The following OTULINL variants were observed in gnomAD, a reference collection of about 807,000 sequenced individuals.
OTULINL encodes the protein inactive ubiquitin thioesterase OTULINL.
Under a neutral mutation model 43.9 loss-of-function variants are expected in OTULINL, and 42 were observed. The ratio of observed to expected loss-of-function variants is 0.96; its 90% CI spans 0.75 to 1.24. The LOEUF (loss-of-function observed/expected upper bound fraction) is 1.24. Ranked by LOEUF, OTULINL falls within the 50% of genes most tolerant of loss-of-function variation. The pLI, the probability that OTULINL is intolerant of heterozygous loss-of-function variation, is 0.00. For synonymous variants in OTULINL, 172 were observed against 153.6 expected (o/e 1.12, Z -0.88); for missense variants, 411 against 426.4 (o/e 0.96, Z 0.32).
Position 14,610,987 on chromosome 5 carries a change from T to A in OTULINL, c.*673T>A, listed in dbSNP as rs999181523. On this transcript the variant is annotated 3_prime_UTR_variant, in exon 8 of 8. Coordinates refer to ENST00000274217, the MANE Select transcript of OTULINL (RefSeq NM_019018.3). ...CTTTACTTTTTTTGTTACTATTTTA[T>A]CTGGCCAGCTTAATAGTTTTATTTA... 30 of 152,196 alleles carry A rather than the reference T, an allele frequency of 2.0e-4. No individual in the cohort carries two copies. Among genetic ancestry groups the A allele is most frequent in the African/African-American group, 7.2e-4 (30 of 41,450 alleles). The allele number at this position is 152,196 out of a possible 1,614,324, so 9.4% of individuals were successfully genotyped here.
Position 14,610,205 on chromosome 5 carries a change from T to C in OTULINL, c.962T>C (p.Phe321Ser). Reference sequence around the variant, plus strand: ...ATAAAAGTGTTCAGACTGTTCAAGTTTAACTCCAGAGACTTTGAAGTCTGC... The same window carrying C: ...ATAAAAGTGTTCAGACTGTTCAAGTCTAACTCCAGAGACTTTGAAGTCTGC... ...VKIKVFRLFKFNSRDFEVCYP... is the reference protein window; with the variant it reads ...VKIKVFRLFKSNSRDFEVCYP... Residue 321 changes from phenylalanine to serine, a missense_variant, in exon 8 of 8, where the codon TTT (phenylalanine) becomes TCT (serine). Physicochemically the swap from Phe to Ser is radical, Grantham distance 155. Coordinates refer to ENST00000274217, the MANE Select transcript of OTULINL (RefSeq NM_019018.3). 6.2e-7 allele frequency: 1 copy of C among 1,614,154 alleles called. No homozygotes were observed. Among genetic ancestry groups the C allele is most frequent in the South Asian group, 1.1e-5 (1 of 91,088 alleles).
At position 14,581,874 on chromosome 5, in the gene OTULINL, C is replaced by T; in HGVS notation, c.-21C>T. On this transcript the variant is annotated 5_prime_UTR_variant, in exon 1 of 8. Coordinates refer to ENST00000274217, the MANE Select transcript of OTULINL (RefSeq NM_019018.3). ...GCAGACCACGGGCCGAGGCCCAGCG[C>T]CCGTCCGCAGCGCGGCCGGCATGGC... is the stretch of plus-strand genomic sequence containing the variant. 6 of 1,406,248 alleles carry T rather than the reference C, an allele frequency of 4.3e-6. No individual in the cohort carries two copies. Among genetic ancestry groups the T allele is most frequent in the Non-Finnish European group, 5.6e-6 (6 of 1,080,276 alleles). The allele number at this position is 1,406,248 out of a possible 1,614,324, so 87.1% of individuals were successfully genotyped here. A position where few individuals can be genotyped will look rare whatever the true frequency, so the allele number is the denominator to read the frequency against.
Position 14,601,211 on chromosome 5 carries a change from A to G in OTULINL, c.225-2A>G. 6.2e-7 allele frequency: 1 copy of G among 1,611,742 alleles called. No individual in the cohort carries two copies. Among genetic ancestry groups the G allele is most frequent in the Non-Finnish European group, 8.5e-7 (1 of 1,179,214 alleles). ...ATATTATTGTTCCCTTTTATCTTTC[A>G]GGTGGATTGGATATCTGCAGAGAAA... On this transcript the variant is annotated splice_acceptor_variant, in intron 2 of 7. Transcript: ENST00000274217. LOFTEE classifies it high-confidence loss of function.
At chr5:14,607,604 C>T (rs547439335) in intron 6 of OTULINL, 146 bp downstream of exon 6, 142 of 976,880 alleles carry the variant, frequency 1.5e-4, no homozygotes, top group Non-Finnish European at 2.0e-4. Context: ...TGATGATTTC[C>T]CTCCTTATTC....
intron 7 of OTULINL, 138 bp from the exon 8 acceptor site, chr5:14,610,003 C>T: frequency 1.6e-6 from 1 of 638,740 alleles, no homozygotes. Context: ...GAACTCTGTG[C>T]CCACTCAGTG....
At chr5:14,608,690 G>T in intron 6 of OTULINL, 58 bp from the exon 7 acceptor site, 1 of 1,300,844 alleles carries the variant, frequency 7.7e-7, no homozygotes, top group South Asian at 1.5e-5. Flanking sequence ...AAAAGTTATG[G>T]AATGGTATAT....
At chr5:14,606,623 G>T (rs920923639) in intron 5 of OTULINL, among the ~76,000 whole-genome samples, 3 of 152,180 alleles carry the variant, frequency 2.0e-5, no homozygotes, top group African/African-American at 7.2e-5. Context: ...ATCCATGCCG[G>T]TTAAGTAATC....
intron 5 of OTULINL, among the ~76,000 whole-genome samples, chr5:14,606,625 T>G (rs546305247): frequency 6.6e-6 from 1 of 152,332 alleles, no homozygotes; most frequent in Non-Finnish European, 1.5e-5. Context: ...CCATGCCGGT[T>G]AAGTAATCTC....
At chr5:14,603,535 A>G (rs1180647823) in intron 5 of OTULINL, among the ~76,000 whole-genome samples, 1 of 152,218 alleles carries the variant, frequency 6.6e-6, no homozygotes, top group Non-Finnish European at 1.5e-5. Flanking sequence ...ATAGTTGTGA[A>G]TTGGTATCAT....
At chr5:14,602,096 G>A in intron 4 of OTULINL, 87 bp from the exon 5 acceptor site, 3 of 1,060,536 alleles carry the variant, frequency 2.8e-6, no homozygotes, top group East Asian at 2.8e-5. Flanking sequence ...TTAGTTGGGA[G>A]GAACACCTCA....
rs140756706 is a variant in OTULINL, at chr5:14,610,278, C to A, written c.1035C>A (p.Thr345=). The A allele has an allele frequency of 1.2e-6, 2 of 1,612,510 alleles. No individual in the cohort carries two copies. The highest frequency in any genetic ancestry group is 1.7e-6 in the Non-Finnish European group (2 of 1,179,402). Reference sequence around the variant, plus strand: ...ACTGGCCGGAGATCTCCCTGCTGACCGAGAACGACCGCCACTACCACATTC... The same window carrying A: ...ACTGGCCGGAGATCTCCCTGCTGACAGAGAACGACCGCCACTACCACATTC... ...LRDWPEISLL[T]ENDRHYHIPV... The change falls in exon 8 of 8, where the codon ACC becomes ACA. Residue 345 remains threonine, a synonymous_variant. Coordinates refer to ENST00000274217, the MANE Select transcript of OTULINL (RefSeq NM_019018.3).
Position 14,602,334 on chromosome 5 carries a change from T to G in OTULINL, c.498+2T>G. On this transcript the variant is annotated splice_donor_variant, in intron 5 of 7. Coordinates refer to ENST00000274217, the MANE Select transcript of OTULINL (RefSeq NM_019018.3). LOFTEE classifies it high-confidence loss of function. ...ATGAAAGAAAAGGACATTGTTAAGG[T>G]ATGTCTTCCCCCTGGAAATGTGGGA... 1 of 1,611,720 alleles carries G rather than the reference T, an allele frequency of 6.2e-7. No homozygotes were observed. The highest frequency in any genetic ancestry group is 8.5e-7 in the Non-Finnish European group (1 of 1,179,170).
chr5:14,594,539 G>A (rs968402431), intron 1 of OTULINL, among the ~76,000 whole-genome samples: 2 of 152,124 alleles, frequency 1.3e-5, no homozygotes, highest in Admixed American at 6.5e-5. Context: ...CCCAGGCCAG[G>A]GGGTCCCTGT....
chr5:14,582,632 A>G (rs941747936), intron 1 of OTULINL, among the ~76,000 whole-genome samples: 4 of 151,930 alleles, frequency 2.6e-5, no homozygotes, highest in African/African-American at 9.7e-5. Flanking sequence ...TGGCCAGCAT[A>G]GTGAAACCTT....
At chr5:14,594,494 G>A (rs1759254747) in intron 1 of OTULINL, among the ~76,000 whole-genome samples, 1 of 152,204 alleles carries the variant, frequency 6.6e-6, no homozygotes, top group South Asian at 2.1e-4. Flanking sequence ...GAATGGAGGT[G>A]CTCACCCAAC....
intron 1 of OTULINL, among the ~76,000 whole-genome samples, chr5:14,595,826 C>T (rs1009158755): frequency 4.6e-5 from 7 of 151,548 alleles, no homozygotes; most frequent in African/African-American, 1.2e-4. Context: ...TTGTGTGGGT[C>T]GGGGTCCCAA....
intron 1 of OTULINL, among the ~76,000 whole-genome samples, chr5:14,587,546 A>G (rs754771238): frequency 5.9e-5 from 9 of 152,356 alleles, no homozygotes; most frequent in Non-Finnish European, 8.8e-5. Flanking sequence ...ATGGAAACAT[A>G]GCCAATGAAA....
chr5:14,588,876 C>T (rs1323315867), intron 1 of OTULINL, among the ~76,000 whole-genome samples: 1 of 152,206 alleles, frequency 6.6e-6, no homozygotes. Flanking sequence ...CCAGAATTCA[C>T]TCACACAGCA....
chr5:14,602,390 A>G (rs2126781300), intron 5 of OTULINL, 58 bp downstream of exon 5: 1 of 1,508,660 alleles, frequency 6.6e-7, no homozygotes, highest in Non-Finnish European at 9.1e-7. Flanking sequence ...TGCAACTCAG[A>G]CTCCTAGTCT....
Sources: allele counts gnomAD v4.1 joint callset (sites outside exome capture counted in the v4.1 genomes callset), GRCh38; gene constraint gnomAD v4.1.1; transcripts MANE v1.5; gene names NCBI Gene and HGNC (gene_info 2026-07-23, HGNC 2026-07-21).